The following DNM3 variants were observed in gnomAD, a reference collection of about 807,000 sequenced individuals.
DNM3 encodes dynamin-3.
A neutral mutation model predicts 101.6 loss-of-function variants in DNM3; 47 were observed. The observed-to-expected ratio is 0.46, with a 90% CI of 0.37 to 0.59. DNM3 has a LOEUF of 0.59. DNM3 is among the 20% of genes least tolerant of loss of function. DNM3 has a pLI of 0.00. For synonymous variants in DNM3, 385 were observed against 387.9 expected (o/e 0.99, Z 0.09); for missense variants, 849 against 1,085.7 (o/e 0.78, Z 3.06).
In DNM3 at chr1:172,372,129, T is replaced by C. The variant is rs971789610; in HGVS notation, c.1894-6889T>C. On this transcript the variant is annotated intron_variant, in intron 17 of 20. Transcript: ENST00000627582. Reference sequence around the variant, plus strand: ...CCCTTCCTGTGTCCATGTGATCTCATTGTTCAATTCCCACCTAGGAGTGAG... The same window carrying C: ...CCCTTCCTGTGTCCATGTGATCTCACTGTTCAATTCCCACCTAGGAGTGAG... 1.1e-4 allele frequency among the ~76,000 whole-genome samples: 15 copies of C among 132,742 alleles called. No individual in the cohort carries two copies. In the South Asian group the frequency reaches 1.4e-3, roughly 13 times the overall value. The allele number at this position is 132,742 out of a possible 152,430, so 87.1% of individuals were successfully genotyped here.
At chr1:172,044,241 GT>G in intron 8 of DNM3, 143 bp from the exon 9 acceptor site, 1 of 686,570 alleles carries the variant, frequency 1.5e-6, no homozygotes, top group South Asian at 2.2e-5. Context: ...ATAAACAGAT[GT>G]TTTGACCATC....
At chr1:171,991,760 C>A (rs1465443428) in intron 4 of DNM3, among the ~76,000 whole-genome samples, 2 of 152,174 alleles carry the variant, frequency 1.3e-5, no homozygotes, top group Non-Finnish European at 2.9e-5. Flanking sequence ...AGCTGCCAGC[C>A]ACTTACCAAC....
At chr1:171,867,343 T>C (rs1215862427) in intron 1 of DNM3, among the ~76,000 whole-genome samples, 1 of 152,226 alleles carries the variant, frequency 6.6e-6, no homozygotes, top group African/African-American at 2.4e-5. Context: ...TGTGATTGCT[T>C]TATTTCACTA....
At chr1:171,921,459 C>T (rs1035628730) in intron 1 of DNM3, among the ~76,000 whole-genome samples, 1 of 152,090 alleles carries the variant, frequency 6.6e-6, no homozygotes, top group Non-Finnish European at 1.5e-5. Flanking sequence ...ATTGATAATA[C>T]ACAGAAACTA....
chr1:172,268,710 GAC>G (rs2062966555), intron 15 of DNM3, among the ~76,000 whole-genome samples: 1 of 152,104 alleles, frequency 6.6e-6, no homozygotes, highest in African/African-American at 2.4e-5. Flanking sequence ...TCTCATGAAA[GAC>G]AACATAATTT....
chr1:171,848,938 A>G (rs902354574), intron 1 of DNM3, among the ~76,000 whole-genome samples: 9 of 152,144 alleles, frequency 5.9e-5, no homozygotes, highest in African/African-American at 2.2e-4. Context: ...CAAGTCCTCT[A>G]TTTCCAAGGG....
rs2041913330 is a variant in DNM3, at chr1:171,942,883, A to G, written c.235+21062A>G. Among the ~76,000 whole-genome samples the G allele has an allele frequency of 2.6e-5, 4 of 152,248 alleles. No homozygotes were observed. In the South Asian group the frequency reaches 8.3e-4, roughly 32 times the overall value. On this transcript the variant is annotated intron_variant, in intron 2 of 20. Transcript: ENST00000627582. The stretch of plus-strand genomic sequence containing the variant: ...TCCCAGCACTTTGGGAAGCTGAGGC[A>G]GGAGGACTGCTTGTGTTCAGGAGGT...
intron 14 of DNM3, among the ~76,000 whole-genome samples, chr1:172,158,305 T>C (rs2058418486): frequency 6.6e-6 from 1 of 151,896 alleles, no homozygotes; most frequent in Non-Finnish European, 1.5e-5. Context: ...ATCTGAGTGG[T>C]ACAATGATGG....
chr1:172,110,808 G>T (rs2055412689), intron 13 of DNM3, among the ~76,000 whole-genome samples: 1 of 152,214 alleles, frequency 6.6e-6, no homozygotes, highest in South Asian at 2.1e-4. Flanking sequence ...GGGTGAGGCA[G>T]GTGGATTGCT....
At chr1:171,857,928 C>A (rs2033785223) in intron 1 of DNM3, among the ~76,000 whole-genome samples, 1 of 152,036 alleles carries the variant, frequency 6.6e-6, no homozygotes, top group Non-Finnish European at 1.5e-5. Flanking sequence ...TCTCTCTCTT[C>A]CTCTGCACAA....
chr1:171,851,465 A>G (rs148888649), intron 1 of DNM3, among the ~76,000 whole-genome samples: 211 of 152,316 alleles, frequency 1.4e-3, no homozygotes, highest in African/African-American at 4.8e-3. Context: ...GCTGAAGTGC[A>G]GTGAGTGGCA....
rs190777567 is a variant in DNM3 at position 172,076,300 on chromosome 1, C to G, written c.1423-5532C>G. Reference sequence around the variant, plus strand: ...ACTTCCTCTCTTTTTATTTGAATATCCTTTATTTCTTTCTCTTGCCTGATT... The same window carrying G: ...ACTTCCTCTCTTTTTATTTGAATATGCTTTATTTCTTTCTCTTGCCTGATT... On this transcript the variant is annotated intron_variant, in intron 11 of 20. Transcript: ENST00000627582. Among the ~76,000 whole-genome samples, 11 of 152,248 alleles carry G rather than the reference C, an allele frequency of 7.2e-5. No individual in the cohort carries two copies. The East Asian group carries it at 1.7e-3, about 24-fold the overall frequency.
At position 172,411,813 on chromosome 1, in the gene DNM3, G is replaced by A. The variant is rs757283700; in HGVS notation, c.*3972G>A. On this transcript the variant is annotated 3_prime_UTR_variant, in exon 21 of 21. Coordinates refer to ENST00000627582, the MANE Select transcript of DNM3 (RefSeq NM_015569.5). ...CATGAGTTTTGTATCATTTCAATTA[G>A]AAGACTACTAGCTGTGAGCTCAGAG... 4 of 985,534 alleles carry A rather than the reference G, an allele frequency of 4.1e-6. No individual in the cohort carries two copies. The African/African-American group carries it at 5.2e-5, about 13-fold the overall frequency. The allele number at this position is 985,534 out of a possible 1,614,324, so 61.0% of individuals were successfully genotyped here.
intron 17 of DNM3, among the ~76,000 whole-genome samples, chr1:172,337,057 C>G (rs745408157): frequency 6.6e-6 from 1 of 152,176 alleles, no homozygotes; most frequent in Non-Finnish European, 1.5e-5. Flanking sequence ...TCATCTTTGT[C>G]AAAGTGCCTT....
At position 172,299,668 on chromosome 1, in the gene DNM3, G is replaced by A. The variant is rs146603209; in HGVS notation, c.1770-9060G>A. Reference sequence around the variant, plus strand: ...TCTGTTTGTGCATTAATATTATTAGGATAATGGCTTCCAGCTCCATCCATG... The same window carrying A: ...TCTGTTTGTGCATTAATATTATTAGAATAATGGCTTCCAGCTCCATCCATG... On this transcript the variant is annotated intron_variant, in intron 15 of 20. Transcript: ENST00000627582. 5.7e-3 allele frequency among the ~76,000 whole-genome samples: 861 copies of A among 152,180 alleles called. 8 individuals carry two copies. The highest frequency in any genetic ancestry group is 8.6e-3 in the Non-Finnish European group (582 of 68,018).
At chr1:172,214,016 G>A (rs1160642478) in intron 14 of DNM3, among the ~76,000 whole-genome samples, 1 of 152,034 alleles carries the variant, frequency 6.6e-6, no homozygotes. Flanking sequence ...TGATACTGTG[G>A]CCTTCCTTCA....
At chr1:172,371,022 CAA>C (rs1167676052) in intron 17 of DNM3, among the ~76,000 whole-genome samples, 1 of 152,012 alleles carries the variant, frequency 6.6e-6, no homozygotes, top group African/African-American at 2.4e-5. Context: ...TACTGAATCA[CAA>C]AGTCTTTGGA....
At chr1:171,872,423 TG>T (rs1235706903) in intron 1 of DNM3, among the ~76,000 whole-genome samples, 1 of 152,214 alleles carries the variant, frequency 6.6e-6, no homozygotes, top group Non-Finnish European at 1.5e-5. Context: ...GGATAGAAAC[TG>T]TGCCATATAC....
At position 172,316,088 on chromosome 1, in the gene DNM3, A is replaced by G. The variant is rs566199578; in HGVS notation, c.1882-7241A>G. 2.7e-3 allele frequency among the ~76,000 whole-genome samples: 415 copies of G among 152,320 alleles called. 1 individual carries two copies. Among genetic ancestry groups the G allele is most frequent in the African/African-American group, 9.4e-3 (389 of 41,574 alleles). On this transcript the variant is annotated intron_variant, in intron 16 of 20. Transcript: ENST00000627582. Reference sequence around the variant, plus strand: ...AAGAGAGTGGGAGCCAATATTCAACATTCTTAAAGAAAAGAATTTTCAACC... The same window carrying G: ...AAGAGAGTGGGAGCCAATATTCAACGTTCTTAAAGAAAAGAATTTTCAACC...
Sources: gnomAD v4.1 joint callset for allele counts (sites outside exome capture counted in the v4.1 genomes callset) on GRCh38, gnomAD v4.1.1 for gene constraint, MANE v1.5 for transcripts, NCBI Gene and HGNC (gene_info 2026-07-23, HGNC 2026-07-21) for gene names.